The following AP3B1 variants were observed in gnomAD, a reference collection of about 807,000 sequenced individuals.
The protein encoded by AP3B1 is AP-3 complex subunit beta-1.
Under a neutral mutation model 132.5 loss-of-function variants are expected in AP3B1, and 61 were observed. The observed-to-expected ratio is 0.46, with a 90% CI of 0.37 to 0.57. The LOEUF (loss-of-function observed/expected upper bound fraction) is 0.57, where lower values mean the gene tolerates loss of function less well. Ranked by LOEUF, AP3B1 falls within the 20% of genes least tolerant of loss-of-function variation. The probability of loss-of-function intolerance (pLI) is 0.00; values close to 1 mark genes in which losing one functional copy is unlikely to be tolerated. For synonymous variants in AP3B1, 388 were observed against 438.3 expected, an observed-to-expected ratio of 0.89 and a Z score of 1.43; for missense variants, 1,120 against 1,289.4, an observed-to-expected ratio of 0.87 and a Z score of 2.01.
intron 18 of AP3B1, among the ~76,000 whole-genome samples, chr5:78,115,550 C>T (rs1407154671): frequency 2.6e-5 from 4 of 152,114 alleles, no homozygotes. Context: ...AAAGTAGGTG[C>T]CTTATTCAAT....
intron 13 of AP3B1, among the ~76,000 whole-genome samples, chr5:78,162,014 G>T (rs1363532814): frequency 6.6e-6 from 1 of 151,884 alleles, no homozygotes; most frequent in Non-Finnish European, 1.5e-5. Context: ...ATAGACATTA[G>T]TATATTTTAA....
intron 1 of AP3B1, among the ~76,000 whole-genome samples, chr5:78,271,765 T>TA (rs368547660): frequency 3.7e-4 from 57 of 152,346 alleles, no homozygotes; most frequent in African/African-American, 1.3e-3. Flanking sequence ...AGATGGATTT[T>TA]AATTTAACCC....
At chr5:78,143,646 T>C (rs1342441944) in intron 14 of AP3B1, among the ~76,000 whole-genome samples, 1 of 152,128 alleles carries the variant, frequency 6.6e-6, no homozygotes, top group Non-Finnish European at 1.5e-5. Context: ...TTATACACCA[T>C]TGACACTATG....
chr5:78,277,069 A>G (rs1167973299), intron 1 of AP3B1, among the ~76,000 whole-genome samples: 1 of 152,194 alleles, frequency 6.6e-6, no homozygotes, highest in Non-Finnish European at 1.5e-5. Context: ...TTGCATTTAT[A>G]GTATATTATT....
At chr5:78,014,991 A>G (rs1746798358) in intron 26 of AP3B1, among the ~76,000 whole-genome samples, 1 of 152,194 alleles carries the variant, frequency 6.6e-6, no homozygotes, top group Non-Finnish European at 1.5e-5. Context: ...GGGGATGGCT[A>G]TCAAAAGGAA....
intron 22 of AP3B1, among the ~76,000 whole-genome samples, chr5:78,074,671 G>A (rs917166713): frequency 2.6e-5 from 4 of 152,226 alleles, no homozygotes; most frequent in African/African-American, 9.6e-5. Context: ...GTTCTTCACC[G>A]GGCACGGTGG....
At chr5:78,184,703 A>C (rs1279410849) in intron 7 of AP3B1, among the ~76,000 whole-genome samples, 1 of 151,632 alleles carries the variant, frequency 6.6e-6, no homozygotes, top group Non-Finnish European at 1.5e-5. Context: ...AAAAAAACAG[A>C]GTCTCAGGGA....
intron 14 of AP3B1, among the ~76,000 whole-genome samples, chr5:78,146,531 C>T (rs1005620007): frequency 1.3e-5 from 2 of 152,136 alleles, no homozygotes; most frequent in Admixed American, 6.5e-5. Flanking sequence ...TTTGTTACCT[C>T]TCTCTGCTTC....
At chr5:78,158,360 A>G (rs1336142397) in intron 13 of AP3B1, among the ~76,000 whole-genome samples, 2 of 152,044 alleles carry the variant, frequency 1.3e-5, no homozygotes, top group African/African-American at 2.4e-5. Context: ...AGGAGGCTGA[A>G]GCAGGAGAAT....
chr5:78,044,189 C>T (rs945540231), intron 22 of AP3B1: 4 of 201,934 alleles, frequency 2.0e-5, no homozygotes, highest in South Asian at 1.9e-4. Flanking sequence ...TGGGACTCTC[C>T]GACATGCACA....
intron 26 of AP3B1, among the ~76,000 whole-genome samples, chr5:78,004,102 G>C (rs1746297383): frequency 6.6e-6 from 1 of 152,122 alleles, no homozygotes; most frequent in Admixed American, 6.6e-5. Flanking sequence ...CACTTTGCAG[G>C]GCCAATCCCC....
rs1752587613 is a variant in AP3B1 at position 78,129,175 on chromosome 5, T to G, written c.1783A>C (p.Lys595Gln). 1 of 1,613,392 alleles carries G rather than the reference T, an allele frequency of 6.2e-7. No homozygotes were observed. ...VKSGALSKYAKKIFLAQKPAP... is the reference protein window; with the variant it reads ...VKSGALSKYAQKIFLAQKPAP... ...GGCTTTTGTGCTAGGAATATTTTTT[T>G]GGCATATTTACTTAAAGCTCCACTC... Residue 595 changes from lysine (K) to glutamine (Q), a missense_variant, in exon 16 of 27, where the codon AAA (lysine) becomes CAA (glutamine). Coordinates refer to ENST00000255194, the MANE Select transcript of AP3B1 (RefSeq NM_003664.5).
At chr5:78,273,463 T>C (rs1187457344) in intron 1 of AP3B1, among the ~76,000 whole-genome samples, 1 of 152,126 alleles carries the variant, frequency 6.6e-6, no homozygotes, top group Non-Finnish European at 1.5e-5. Flanking sequence ...ATTTCCCAAA[T>C]TGCCATGTGG....
chr5:78,123,655 C>G (rs1752330921), intron 17 of AP3B1, among the ~76,000 whole-genome samples: 1 of 152,164 alleles, frequency 6.6e-6, no homozygotes, highest in Admixed American at 6.5e-5. Flanking sequence ...GAGATACCAT[C>G]TCACACCAGT....
rs905477018 is a variant in AP3B1 at position 78,292,522 on chromosome 5, G to A, written c.128+1930C>T. On this transcript the variant is annotated intron_variant, in intron 1 of 26. Coordinates refer to ENST00000255194, the MANE Select transcript of AP3B1 (RefSeq NM_003664.5). ...TTAGAGCCCCTGAGTTCAAATTCAG[G>A]CAGTGCAATGTTCTACCTTTGTGGC... Among the ~76,000 whole-genome samples, 11 of 152,164 alleles carry A rather than the reference G, an allele frequency of 7.2e-5. No homozygotes were observed. The South Asian group carries it at 1.0e-3, about 14-fold the overall frequency.
chr5:78,271,016 C>A (rs1748524327), intron 1 of AP3B1, among the ~76,000 whole-genome samples: 1 of 152,146 alleles, frequency 6.6e-6, no homozygotes, highest in African/African-American at 2.4e-5. Flanking sequence ...ATTTTTAAGT[C>A]ATGAGGTAAT....
At chr5:78,035,806 A>G (rs372191412) in intron 23 of AP3B1, among the ~76,000 whole-genome samples, 16 of 152,224 alleles carry the variant, frequency 1.1e-4, no homozygotes, top group East Asian at 7.7e-4. Flanking sequence ...TGCTCCCTAA[A>G]TCTCTAGCAA....
chr5:78,294,523 C>A lies in AP3B1; in HGVS notation c.57G>T (p.Glu19Asp). 6.2e-7 allele frequency: 1 copy of A among 1,614,258 alleles called. No individual in the cohort carries two copies. Among genetic ancestry groups the A allele is most frequent in the Non-Finnish European group, 8.5e-7 (1 of 1,180,054 alleles). ...TGGTTGAGGTCGCCTCCTGACCCAGCTCCGTCGCCTCCCCTCCTCCGGACT... is the reference window on the plus strand; with the variant it reads ...TGGTTGAGGTCGCCTCCTGACCCAGATCCGTCGCCTCCCCTCCTCCGGACT... ...NEQSGGGEAT[E>D]LGQEATSTIS... The change falls in exon 1 of 27, where the codon GAG becomes GAT. Residue 19 changes from glutamate (E) to aspartate (D), a missense_variant. Physicochemically the swap from Glu to Asp is conservative, Grantham distance 45. Coordinates refer to ENST00000255194, the MANE Select transcript of AP3B1 (RefSeq NM_003664.5).
At chr5:78,124,193 T>A (rs1322885673) in intron 17 of AP3B1, among the ~76,000 whole-genome samples, 1 of 152,060 alleles carries the variant, frequency 6.6e-6, no homozygotes, top group African/African-American at 2.4e-5. Flanking sequence ...CTCCAGGGAC[T>A]GTTGTGGGGT....
Sources: gnomAD v4.1 joint callset for allele counts (sites outside exome capture counted in the v4.1 genomes callset) on GRCh38, gnomAD v4.1.1 for gene constraint, MANE v1.5 for transcripts, NCBI Gene and HGNC (gene_info 2026-07-23, HGNC 2026-07-21) for gene names.